CELF2: variants seen among roughly 807,000 people sequenced by gnomAD.
The protein encoded by CELF2 is CUGBP Elav-like family member 2, also known as CUG triplet repeat RNA-binding protein 2.
Under a neutral mutation model 62.6 loss-of-function variants are expected in CELF2, and 8 were observed. The ratio of observed to expected loss-of-function variants is 0.13; its 90% confidence interval spans 0.07 to 0.23. The LOEUF is 0.23. Among genes scored for constraint, CELF2 ranks in the 10% least tolerant of loss-of-function variants. The pLI is 1.00. For synonymous variants in CELF2, 258 were observed against 250.0 expected, an observed-to-expected ratio of 1.03 and a Z score of -0.30; for missense variants, 333 against 671.0, an observed-to-expected ratio of 0.50 and a Z score of 5.56.
intron 2 of CELF2, among the ~76,000 whole-genome samples, chr10:10,932,027 T>A (rs193209665): frequency 3.9e-5 from 6 of 152,012 alleles, no homozygotes; most frequent in African/African-American, 1.4e-4. Flanking sequence ...TTCCATTACC[T>A]CCCACCAGGC....
the CELF2 span, among the ~76,000 whole-genome samples, chr10:10,498,495 T>G: frequency 1.3e-5 from 2 of 152,156 alleles, no homozygotes; most frequent in Non-Finnish European, 2.9e-5. Flanking sequence ...AAAAGGACAG[T>G]AAGAGATGAG....
chr10:10,767,249 G>A, the CELF2 span, among the ~76,000 whole-genome samples: 1 of 151,820 alleles, frequency 6.6e-6, no homozygotes, highest in Non-Finnish European at 1.5e-5. Context: ...CCACCATGAT[G>A]CCATAATTGT....
chr10:10,508,306 C>A, the CELF2 span, among the ~76,000 whole-genome samples: 4 of 152,230 alleles, frequency 2.6e-5, no homozygotes, highest in Non-Finnish European at 4.4e-5. Context: ...GAGTGACTCG[C>A]AATACTACTT....
the CELF2 span, among the ~76,000 whole-genome samples, chr10:10,692,269 C>A: frequency 4.0e-5 from 6 of 151,094 alleles, no homozygotes; most frequent in Non-Finnish European, 3.0e-5. Flanking sequence ...ATAGGGAATC[C>A]TTTCCCCATT....
chr10:11,148,554 A>T (rs1052392148), intron 1 of CELF2, among the ~76,000 whole-genome samples: 3 of 152,232 alleles, frequency 2.0e-5, no homozygotes, highest in African/African-American at 7.2e-5. Context: ...GTCTGCTGGC[A>T]AGGCGATCCA....
At chr10:10,763,294 C>T in the CELF2 span, among the ~76,000 whole-genome samples, 10 of 152,324 alleles carry the variant, frequency 6.6e-5, no homozygotes, top group Admixed American at 5.9e-4. Context: ...AGCTTTTTCA[C>T]CTCCCACTCA....
At chr10:10,959,452 C>T (rs1210058391) in intron 2 of CELF2, among the ~76,000 whole-genome samples, 2 of 152,170 alleles carry the variant, frequency 1.3e-5, no homozygotes, top group Non-Finnish European at 2.9e-5. Flanking sequence ...CAAGTATTTA[C>T]CCAGCATTTT....
At chr10:11,017,815 C>T (rs1287792486), upstream of CELF2, 1 of 352,144 alleles carries the variant, frequency 2.8e-6, no homozygotes, top group Non-Finnish European at 4.0e-6. This position sits in a 1 kb window ranked among gnomAD's most constrained non-coding sequence, Gnocchi z 5.5. Context: ...TTCGGGGCCG[C>T]GCTCTGGGCC....
At chr10:11,027,243 A>G (rs2059364174) in intron 1 of CELF2, among the ~76,000 whole-genome samples, 2 of 152,152 alleles carry the variant, frequency 1.3e-5, no homozygotes, top group African/African-American at 2.4e-5. Flanking sequence ...CTCCTCGTGC[A>G]TTTGGGATTC....
chr10:10,480,095 G>T, the CELF2 span, among the ~76,000 whole-genome samples: 2 of 152,098 alleles, frequency 1.3e-5, no homozygotes, highest in African/African-American at 4.8e-5. Context: ...GGAAATAATT[G>T]TTCCTGGTTC....
chr10:11,057,891 A>G (rs1338768023), intron 1 of CELF2, among the ~76,000 whole-genome samples: 1 of 152,258 alleles, frequency 6.6e-6, no homozygotes, highest in Non-Finnish European at 1.5e-5. Context: ...AAGAACAATT[A>G]TATTTAGCAA....
chr10:10,539,083 GTCT>G, the CELF2 span, among the ~76,000 whole-genome samples: 1 of 152,198 alleles, frequency 6.6e-6, no homozygotes, highest in Non-Finnish European at 1.5e-5. Context: ...CCACAATCTA[GTCT>G]TCTGGGCATC....
chr10:10,914,131 TA>T (rs56850953), intron 1 of CELF2, among the ~76,000 whole-genome samples: 107,015 of 143,128 alleles, frequency 0.75, 38,383 homozygotes, highest in Non-Finnish European at 0.78. Context: ...TACCTTTTTT[TA>T]AAAAAAAAAA....
At chr10:11,018,242 G>A (rs1339220842) in intron 1 of CELF2, 79 bp downstream of exon 1, 18 of 1,273,238 alleles carry the variant, frequency 1.4e-5, no homozygotes, top group African/African-American at 4.8e-5. Context: ...GACGGGCGTC[G>A]CCCGCAGCTC....
chr10:10,779,574 A>T, the CELF2 span, among the ~76,000 whole-genome samples: 2 of 151,838 alleles, frequency 1.3e-5, no homozygotes, highest in Non-Finnish European at 2.9e-5. Context: ...GCTATTGAGC[A>T]TTAGCCCTAG....
chr10:10,658,368 A>C, the CELF2 span, among the ~76,000 whole-genome samples: 1 of 152,166 alleles, frequency 6.6e-6, no homozygotes, highest in African/African-American at 2.4e-5. Flanking sequence ...TTTGTAGATT[A>C]CCTTACATTT....
intron 1 of CELF2, among the ~76,000 whole-genome samples, chr10:11,025,239 G>GTGTGTGTATATATATATA (rs61580670): frequency 0.046 from 6,423 of 140,912 alleles, 205 homozygotes; most frequent in Middle Eastern, 0.12. Context: ...GTGTGTGTGT[G>GTGTGTGTATATATATATA]TATATGTATG....
chr10:10,966,557 T>A (rs898200443), intron 2 of CELF2: 11 of 152,206 alleles, frequency 7.2e-5, no homozygotes, highest in African/African-American at 2.7e-4. Flanking sequence ...TCCTTTTTTA[T>A]GAAGATTTGC....
chr10:10,864,789 A>G (rs1044957153), intron 1 of CELF2, among the ~76,000 whole-genome samples: 1 of 152,186 alleles, frequency 6.6e-6, no homozygotes, highest in Non-Finnish European at 1.5e-5. Context: ...TCAGTTCATA[A>G]CCAACCAGCT....
Sources: allele counts gnomAD v4.1 joint callset (sites outside exome capture counted in the v4.1 genomes callset), GRCh38; gene constraint gnomAD v4.1.1; non-coding constraint Gnocchi (gnomAD v3.1); transcripts MANE v1.5; gene names NCBI Gene and HGNC (gene_info 2026-07-23, HGNC 2026-07-21).